STS: variants seen among roughly 807,000 people sequenced by gnomAD.
The protein encoded by STS is steryl-sulfatase.
STS carries 7 observed loss-of-function variants against 26.8 expected under a neutral mutation model. That is an observed-to-expected ratio of 0.26 (90% CI 0.15 to 0.49). STS has a LOEUF of 0.49. Ranked by LOEUF, STS falls within the 20% of genes least tolerant of loss-of-function variation. The probability of loss-of-function intolerance (pLI) is 0.98; values close to 1 mark genes in which losing one functional copy is unlikely to be tolerated. For missense variants in STS, 434 were observed against 465.6 expected, an observed-to-expected ratio of 0.93 and a Z score of 0.63; for synonymous variants, 199 against 189.4, an observed-to-expected ratio of 1.05 and a Z score of -0.42.
chrX:7,210,344 G>T (rs1920993234), intron 2 of STS, among the ~76,000 whole-genome samples: 1 of 110,346 alleles, frequency 9.1e-6, no homozygotes, highest in Non-Finnish European at 1.9e-5. Flanking sequence ...GTATCTCATT[G>T]TGGTTTTGAT....
intron 1 of STS, among the ~76,000 whole-genome samples, chrX:7,172,494 A>G (rs1414004088): frequency 9.0e-6 from 1 of 111,390 alleles, no homozygotes; most frequent in African/African-American, 3.3e-5. Flanking sequence ...GATTTCTCTT[A>G]TAGGCAAGTC....
At position 7,148,143 on chromosome X, in the gene STS, G is replaced by A. The variant is rs1392332314; in HGVS notation, c.-134+60G>A. ...GCGCCTTCTGGGTCTGGGTGGGGGCGAGGAGGAAGTGCGCGCGCACCCGCC... is the reference window on the plus strand; with the variant it reads ...GCGCCTTCTGGGTCTGGGTGGGGGCAAGGAGGAAGTGCGCGCGCACCCGCC... On this transcript the variant is annotated intron_variant, in intron 1 of 10. Coordinates refer to ENST00000674429, the MANE Select transcript of STS (RefSeq NM_001320752.2). 17 of 1,052,475 alleles carry A rather than the reference G, an allele frequency of 1.6e-5. No homozygotes were observed. The South Asian group carries it at 2.3e-4, about 15-fold the overall frequency. 86.7% of individuals were successfully genotyped at this position (1,052,475 alleles called of 1,213,427 possible).
At chrX:7,257,404 G>A (rs369366546) in intron 4 of STS, 41 bp downstream of exon 4, 56 of 1,210,583 alleles carry the variant, frequency 4.6e-5, no homozygotes, top group African/African-American at 4.4e-4. Context: ...GGTCACCTTC[G>A]GGACAGTCTC....
At chrX:7,334,189 G>C in intron 10 of STS, 82 bp downstream of exon 10, 2 of 1,187,456 alleles carry the variant, frequency 1.7e-6, no homozygotes, top group South Asian at 1.8e-5. Context: ...GGGTAAAAAG[G>C]TGGCTCTGCT....
intron 9 of STS, among the ~76,000 whole-genome samples, chrX:7,331,150 G>T (rs1927725810): frequency 9.0e-6 from 1 of 111,607 alleles, no homozygotes. Flanking sequence ...GGACGAGGAT[G>T]TTGAAAGCCT....
At position 7,323,837 on chromosome X, in the gene STS, C is replaced by G. The variant is rs755078426; in HGVS notation, c.1082-1502C>G. Among the ~76,000 whole-genome samples, 16 of 111,557 alleles carry G rather than the reference C, an allele frequency of 1.4e-4. 1 individual carries two copies. The East Asian group carries it at 4.0e-3, about 28-fold the overall frequency. Reference sequence around the variant, plus strand: ...GCCTTATCCAACTTCTAGAGCCTGCCTGCATTCCTGGGCTTGGGGTGCCCT... The same window carrying G: ...GCCTTATCCAACTTCTAGAGCCTGCGTGCATTCCTGGGCTTGGGGTGCCCT... On this transcript the variant is annotated intron_variant, in intron 8 of 10. Transcript: ENST00000674429.
At chrX:7,301,602 C>T (rs548495052) in intron 7 of STS, among the ~76,000 whole-genome samples, 1 of 111,332 alleles carries the variant, frequency 9.0e-6, no homozygotes, top group Non-Finnish European at 1.9e-5. Context: ...GTTCACTCTT[C>T]GTGTTGTATG....
intron 1 of STS, among the ~76,000 whole-genome samples, chrX:7,164,855 AAC>A (rs1242169637): frequency 1.5e-4 from 9 of 58,204 alleles, no homozygotes; most frequent in African/African-American, 3.5e-4. Context: ...AAAAAAAAAA[AAC>A]ACACACACAC....
rs748465228 is a variant in STS at position 7,322,091 on chromosome X, GC to G, written c.1082-3246del. 3.1e-4 allele frequency among the ~76,000 whole-genome samples: 35 copies of G among 112,737 alleles called. No individual in the cohort carries two copies. The South Asian group carries it at 0.012, about 38-fold the overall frequency. On this transcript the variant is annotated intron_variant, in intron 8 of 10. Coordinates refer to ENST00000674429, the MANE Select transcript of STS (RefSeq NM_001320752.2). ...ACACAAATTTATTCACGTGCGTGGA[GC>G]CTTACAAAATAGATCTCAAAGAAAT... is the stretch of plus-strand genomic sequence containing the variant.
At position 7,334,393 on chromosome X, in the gene STS, G is replaced by A. The variant is rs139941030; in HGVS notation, c.1363+286G>A. Reference sequence around the variant, plus strand: ...AGAGAAAGCTCCCTGTTCTCAACAGGGCGCTGTGGCCGGTTGCTTTATTGC... The same window carrying A: ...AGAGAAAGCTCCCTGTTCTCAACAGAGCGCTGTGGCCGGTTGCTTTATTGC... On this transcript the variant is annotated intron_variant, in intron 10 of 10. Coordinates refer to ENST00000674429, the MANE Select transcript of STS (RefSeq NM_001320752.2). Among the ~76,000 whole-genome samples, 3,344 of 111,407 alleles carry A rather than the reference G, an allele frequency of 0.03. 111 individuals carry two copies. The highest frequency in any genetic ancestry group is 0.1 in the African/African-American group (3,134 of 30,529).
intron 1 of STS, among the ~76,000 whole-genome samples, chrX:7,179,498 TCTC>T (rs1415891024): frequency 1.8e-5 from 2 of 112,572 alleles, no homozygotes; most frequent in Non-Finnish European, 1.9e-5. Flanking sequence ...CTCTAGTACT[TCTC>T]CTCTGATTTC....
At chrX:7,347,389 G>T (rs1196405829) in intron 10 of STS, among the ~76,000 whole-genome samples, 1 of 111,792 alleles carries the variant, frequency 8.9e-6, no homozygotes, top group East Asian at 2.8e-4. Flanking sequence ...GGATAAAAAG[G>T]CAAGCAACCC....
chrX:7,170,845 C>T (rs1933452928), intron 1 of STS, among the ~76,000 whole-genome samples: 2 of 110,901 alleles, frequency 1.8e-5, no homozygotes, highest in South Asian at 7.7e-4. Context: ...ATTTCTTTAA[C>T]TATTTAACAA....
chrX:7,283,839 G>C (rs1569212565), intron 7 of STS, among the ~76,000 whole-genome samples: 1 of 111,320 alleles, frequency 9.0e-6, no homozygotes, highest in Non-Finnish European at 1.9e-5. Flanking sequence ...TGCAGCAAAG[G>C]TGTTGGAAGG....
chrX:7,254,252 C>T (rs959214132), intron 3 of STS, among the ~76,000 whole-genome samples: 4 of 112,298 alleles, frequency 3.6e-5, no homozygotes, highest in South Asian at 7.4e-4. Flanking sequence ...GGCAATCAAA[C>T]GAGACTCGAG....
At chrX:7,257,214 C>T in intron 3 of STS, 28 bp from the exon 4 acceptor site, 1 of 1,207,952 alleles carries the variant, frequency 8.3e-7, no homozygotes, top group Non-Finnish European at 1.1e-6. Flanking sequence ...TGAAAATGAT[C>T]ACAAATGCTA....
rs183566258 is a variant in STS at position 7,324,171 on chromosome X, G to C, written c.1082-1168G>C. Among the ~76,000 whole-genome samples, 75 of 109,566 alleles carry C rather than the reference G, an allele frequency of 6.8e-4. No individual in the cohort carries two copies. In the East Asian group the frequency reaches 0.017, roughly 25 times the overall value. On this transcript the variant is annotated intron_variant, in intron 8 of 10. Transcript: ENST00000674429. Reference sequence around the variant, plus strand: ...AGGTAGCATGAGTCAAAATCGGGGGGTGGGGGGTGAGGAGGCTTCAGGTCA... The same window carrying C: ...AGGTAGCATGAGTCAAAATCGGGGGCTGGGGGGTGAGGAGGCTTCAGGTCA...
At chrX:7,236,236 C>T (rs1468011936) in intron 2 of STS, among the ~76,000 whole-genome samples, 1 of 111,609 alleles carries the variant, frequency 9.0e-6, no homozygotes, top group Non-Finnish European at 1.9e-5. Flanking sequence ...TCTGAACCTC[C>T]AGGCTGTCCT....
At chrX:7,347,286 C>T (rs1275219062) in intron 10 of STS, among the ~76,000 whole-genome samples, 1 of 111,698 alleles carries the variant, frequency 9.0e-6, no homozygotes, top group Non-Finnish European at 1.9e-5. Flanking sequence ...TTCTAGTTCT[C>T]TCTTTTCAGT....
Sources: gnomAD v4.1 joint callset for allele counts (sites outside exome capture counted in the v4.1 genomes callset) on GRCh38, gnomAD v4.1.1 for gene constraint, MANE v1.5 for transcripts, NCBI Gene and HGNC (gene_info 2026-07-23, HGNC 2026-07-21) for gene names.